PALM2AKAP2: variants seen among roughly 807,000 people sequenced by gnomAD.
PALM2AKAP2 encodes the protein PALM2-AKAP2 fusion protein.
PALM2AKAP2 carries 37 observed loss-of-function variants against 71.5 expected under a neutral mutation model. The observed-to-expected ratio is 0.52, with a 90% CI of 0.40 to 0.68. The LOEUF is 0.68. Among genes scored for constraint, PALM2AKAP2 ranks in the 30% least tolerant of loss-of-function variants. PALM2AKAP2 has a pLI of 0.00. For missense variants in PALM2AKAP2, 1,224 were observed against 1,191.8 expected (o/e 1.03, Z -0.40); for synonymous variants, 468 against 478.8 (o/e 0.98, Z 0.29).
rs1415653659 is a variant in PALM2AKAP2 at position 109,874,453 on chromosome 9, A to G, written c.127-6098A>G. Reference sequence around the variant, plus strand: ...CATGGATAAGTCAGTTAATGTTAGCACCTACCTCATGGGATGCTTGTGAAA... The same window carrying G: ...CATGGATAAGTCAGTTAATGTTAGCGCCTACCTCATGGGATGCTTGTGAAA... On this transcript the variant is annotated intron_variant, in intron 2 of 9. Transcript: ENST00000302798. Among the ~76,000 whole-genome samples the G allele has an allele frequency of 2.6e-5, 4 of 152,318 alleles. No homozygotes were observed. In the East Asian group the frequency reaches 7.7e-4, roughly 29 times the overall value.
intron 1 of PALM2AKAP2, among the ~76,000 whole-genome samples, chr9:109,803,103 G>GGA (rs35649179): frequency 0.18 from 26,574 of 150,516 alleles, 2,695 homozygotes; most frequent in East Asian, 0.35. Flanking sequence ...GGTTTTTGGG[G>GGA]AAAAAAAAAG....
intron 6 of PALM2AKAP2, chr9:109,943,410 C>T: frequency 6.2e-7 from 1 of 1,611,822 alleles, no homozygotes; most frequent in Non-Finnish European, 8.5e-7. Flanking sequence ...GCTGTCAATG[C>T]TGTGTTGTCA....
rs774359983 is a variant in PALM2AKAP2 at position 109,698,272 on chromosome 9, A to ATTTTT, written c.5+57424_5+57428dup. On this transcript the variant is annotated intron_variant, in intron 1 of 6. Coordinates refer to the PALM2AKAP2 transcript ENST00000374531. ...TACCCTTCACCTGCATGTGTGCTAC[A>ATTTTT]TTTTTTTTTTTTTTTTTTTTTTGAG... Among the ~76,000 whole-genome samples, 78 of 118,562 alleles carry ATTTTT rather than the reference A, an allele frequency of 6.6e-4. 2 individuals are homozygous for ATTTTT. Among genetic ancestry groups the ATTTTT allele is most frequent in the African/African-American group, 2.5e-3 (72 of 28,972 alleles). The allele number at this position is 118,562 out of a possible 152,430, so 77.8% of individuals were successfully genotyped here.
intron 7 of PALM2AKAP2, among the ~76,000 whole-genome samples, chr9:110,036,904 C>A (rs1164917997): frequency 6.6e-6 from 1 of 152,158 alleles, no homozygotes; most frequent in African/African-American, 2.4e-5. Flanking sequence ...TCAAATATCA[C>A]CTCAGTAAAG....
At chr9:109,767,887 GCGTGGGCT>G (rs1413224311) in intron 1 of PALM2AKAP2, among the ~76,000 whole-genome samples, 1 of 152,186 alleles carries the variant, frequency 6.6e-6, no homozygotes, top group African/African-American at 2.4e-5. Flanking sequence ...CTGGTTCAAA[GCGTGGGCT>G]AATACATTTA....
At chr9:110,080,035 A>G (rs1299612288) in intron 1 of PALM2AKAP2, among the ~76,000 whole-genome samples, 1 of 132,124 alleles carries the variant, frequency 7.6e-6, no homozygotes, top group Non-Finnish European at 1.5e-5. Context: ...GCGCCATTGC[A>G]CTTCAGCTTG....
intron 7 of PALM2AKAP2, among the ~76,000 whole-genome samples, chr9:110,034,079 T>C (rs1390148825): frequency 1.3e-5 from 2 of 152,226 alleles, no homozygotes; most frequent in Non-Finnish European, 2.9e-5. Flanking sequence ...GTGGTTAGCA[T>C]AGTCCCCTAA....
upstream of PALM2AKAP2, among the ~76,000 whole-genome samples, chr9:109,778,377 T>C (rs1317206393): frequency 6.6e-6 from 1 of 152,258 alleles, no homozygotes; most frequent in African/African-American, 2.4e-5. Flanking sequence ...ACAATCACTC[T>C]GCTGAAGCAA....
At chr9:110,019,136 A>T (rs1487886346) in intron 7 of PALM2AKAP2, among the ~76,000 whole-genome samples, 1 of 149,848 alleles carries the variant, frequency 6.7e-6, no homozygotes, top group Non-Finnish European at 1.5e-5. Flanking sequence ...GCTACTAGGG[A>T]GGCTGAGGCA....
chr9:110,029,983 A>G (rs946832251), intron 7 of PALM2AKAP2, among the ~76,000 whole-genome samples: 4 of 152,200 alleles, frequency 2.6e-5, no homozygotes, highest in Non-Finnish European at 5.9e-5. Flanking sequence ...TGTAGTTATC[A>G]GGAAAAGTTG....
Position 109,794,894 on chromosome 9 carries a change from G to A in PALM2AKAP2, c.45+14361G>A, listed in dbSNP as rs577762268. Among the ~76,000 whole-genome samples, 23 of 152,346 alleles carry A rather than the reference G, an allele frequency of 1.5e-4. No homozygotes were observed. In the South Asian group the frequency reaches 4.6e-3, roughly 30 times the overall value. On this transcript the variant is annotated intron_variant, in intron 1 of 9. Transcript: ENST00000302798. ...CTGCAGTACTTGCGTCGGCCCTGTGGCCATGCTGAAGTGGACAGGGTTGTG... is the reference window on the plus strand; with the variant it reads ...CTGCAGTACTTGCGTCGGCCCTGTGACCATGCTGAAGTGGACAGGGTTGTG...
chr9:109,774,785 AC>A (rs1275295353), intron 1 of PALM2AKAP2, among the ~76,000 whole-genome samples: 1 of 152,192 alleles, frequency 6.6e-6, no homozygotes, highest in East Asian at 1.9e-4. Flanking sequence ...TTTCCAGAGC[AC>A]CTACCATGGC....
chr9:109,920,620 A>G (rs1830806838), intron 3 of PALM2AKAP2, among the ~76,000 whole-genome samples: 1 of 151,930 alleles, frequency 6.6e-6, no homozygotes, highest in African/African-American at 2.4e-5. Context: ...CCTCAGGTAT[A>G]CGCCTGCCTC....
At chr9:109,745,282 G>A (rs2118696162) in intron 1 of PALM2AKAP2, among the ~76,000 whole-genome samples, 1 of 152,226 alleles carries the variant, frequency 6.6e-6, no homozygotes, top group South Asian at 2.1e-4. Context: ...AACCTAGGAG[G>A]CAGAGGTTGT....
intron 2 of PALM2AKAP2, among the ~76,000 whole-genome samples, chr9:110,145,749 G>C (rs1836148838): frequency 7.5e-6 from 1 of 132,912 alleles, no homozygotes; most frequent in Admixed American, 7.2e-5. Flanking sequence ...CTATGTTGAA[G>C]CTATGTTTGG....
At chr9:109,746,110 T>C (rs535090762) in intron 1 of PALM2AKAP2, among the ~76,000 whole-genome samples, 161 of 152,300 alleles carry the variant, frequency 1.1e-3, no homozygotes, top group Non-Finnish European at 1.8e-3. Flanking sequence ...AACGACTTGC[T>C]CGGGCCTTGC....
intron 1 of PALM2AKAP2, among the ~76,000 whole-genome samples, chr9:109,709,403 C>A (rs1207721146): frequency 6.6e-6 from 1 of 152,184 alleles, no homozygotes; most frequent in African/African-American, 2.4e-5. Flanking sequence ...CTTTGAGCCC[C>A]TTTGGACAAC....
chr9:109,839,837 A>G (rs1296540724), intron 1 of PALM2AKAP2, among the ~76,000 whole-genome samples: 2 of 152,216 alleles, frequency 1.3e-5, no homozygotes, highest in Non-Finnish European at 2.9e-5. Context: ...AAGGAGAGCT[A>G]CAAACCACTG....
chr9:109,866,652 T>C (rs372267813), intron 1 of PALM2AKAP2, among the ~76,000 whole-genome samples: 1 of 152,206 alleles, frequency 6.6e-6, no homozygotes, highest in Non-Finnish European at 1.5e-5. Flanking sequence ...CAAATAACAT[T>C]GAGCACTTAC....
Sources: gnomAD v4.1 joint callset for allele counts (sites outside exome capture counted in the v4.1 genomes callset) on GRCh38, gnomAD v4.1.1 for gene constraint, MANE v1.5 for transcripts, NCBI Gene and HGNC (gene_info 2026-07-23, HGNC 2026-07-21) for gene names.